The following STK38L variants were observed in gnomAD, a reference collection of about 807,000 sequenced individuals.
The protein encoded by STK38L is serine/threonine-protein kinase 38-like.
STK38L carries 28 observed loss-of-function variants against 59.7 expected under a neutral mutation model. The observed-to-expected ratio is 0.47, with a 90% CI of 0.35 to 0.64. The LOEUF is 0.64. STK38L is among the 30% of genes least tolerant of loss of function. STK38L has a pLI of 0.01. For synonymous variants in STK38L, 162 were observed against 176.8 expected (o/e 0.92, Z 0.66); for missense variants, 314 against 555.8 (o/e 0.56, Z 4.37).
chr12:27,269,918 C>T (rs1416102177), intron 1 of STK38L, among the ~76,000 whole-genome samples: 1 of 152,218 alleles, frequency 6.6e-6, no homozygotes, highest in Non-Finnish European at 1.5e-5. Flanking sequence ...GTTGAGATTA[C>T]AGGCATGAGC....
intron 9 of STK38L, among the ~76,000 whole-genome samples, 163 bp downstream of exon 9, chr12:27,315,513 C>T (rs758676817): frequency 2.6e-5 from 4 of 152,166 alleles, no homozygotes; most frequent in Non-Finnish European, 5.9e-5. Flanking sequence ...TGTTAAGTTT[C>T]CTTGCCTGTA....
intron 1 of STK38L, among the ~76,000 whole-genome samples, chr12:27,259,564 A>C (rs1032035668): frequency 6.6e-6 from 1 of 152,170 alleles, no homozygotes; most frequent in East Asian, 1.9e-4. Flanking sequence ...AAATATGTAA[A>C]AGGTCTTTGT....
chr12:27,256,465 C>T (rs1257701746), intron 1 of STK38L, among the ~76,000 whole-genome samples: 1 of 152,190 alleles, frequency 6.6e-6, no homozygotes, highest in Non-Finnish European at 1.5e-5. Context: ...CCTGTGCTTT[C>T]TTTGGTATTC....
chr12:27,297,947 A>G (rs1944066841), intron 2 of STK38L, 93 bp downstream of exon 2: 1 of 1,453,420 alleles, frequency 6.9e-7, no homozygotes, highest in African/African-American at 1.4e-5. Flanking sequence ...TGATATGAAT[A>G]TTATGGATCC....
intron 1 of STK38L, among the ~76,000 whole-genome samples, chr12:27,296,427 C>G (rs140274742): frequency 6.6e-6 from 1 of 152,296 alleles, no homozygotes; most frequent in East Asian, 1.9e-4. Context: ...CCTAATAGGA[C>G]AACAGTAGAA....
At chr12:27,320,171 C>T (rs546677651) in intron 12 of STK38L, among the ~76,000 whole-genome samples, 2 of 152,228 alleles carry the variant, frequency 1.3e-5, no homozygotes, top group Non-Finnish European at 2.9e-5. Flanking sequence ...CCCTGCCTAG[C>T]TGGCTCCTTT....
chr12:27,273,058 T>C (rs1011965201), intron 1 of STK38L, among the ~76,000 whole-genome samples: 1 of 152,182 alleles, frequency 6.6e-6, no homozygotes, highest in Non-Finnish European at 1.5e-5. Flanking sequence ...TTTTTTCTTT[T>C]TTTTTTTTAA....
chr12:27,250,085 A>G (rs1942939990), intron 1 of STK38L, among the ~76,000 whole-genome samples: 1 of 152,220 alleles, frequency 6.6e-6, no homozygotes, highest in Non-Finnish European at 1.5e-5. Flanking sequence ...GGGTTGCTGT[A>G]CCTTTGCTAT....
intron 1 of STK38L, among the ~76,000 whole-genome samples, chr12:27,269,154 T>C (rs983232328): frequency 6.6e-6 from 1 of 152,230 alleles, no homozygotes; most frequent in African/African-American, 2.4e-5. Context: ...TTGGCTTTTG[T>C]TGCCATTGCT....
chr12:27,275,945 C>T (rs900409392), intron 1 of STK38L, among the ~76,000 whole-genome samples: 1 of 152,082 alleles, frequency 6.6e-6, no homozygotes, highest in Non-Finnish European at 1.5e-5. Flanking sequence ...GACAAGAGCA[C>T]CAAGCTGACT....
intron 2 of STK38L, among the ~76,000 whole-genome samples, chr12:27,300,101 A>C (rs1343542580): frequency 2.6e-5 from 4 of 152,140 alleles, no homozygotes; most frequent in African/African-American, 9.7e-5. Context: ...TTCTTTTTCC[A>C]AATAAAGGAA....
At chr12:27,275,764 G>A (rs938036997) in intron 1 of STK38L, among the ~76,000 whole-genome samples, 1 of 152,084 alleles carries the variant, frequency 6.6e-6, no homozygotes, top group Non-Finnish European at 1.5e-5. Context: ...AATAAATGAG[G>A]GATGAAAGAT....
rs368983606 is a variant in STK38L at position 27,260,960 on chromosome 12, T to C, written c.-12+16628T>C. ...TAAAACAGATGACTCATCTTTCTTT[T>C]TTGAGTCTCAGGCAGGACTTACTTT... On this transcript the variant is annotated intron_variant, in intron 1 of 13. Transcript: ENST00000389032. Among the ~76,000 whole-genome samples the C allele has an allele frequency of 2.0e-5, 3 of 152,340 alleles. No homozygotes were observed. The East Asian group carries it at 5.8e-4, about 29-fold the overall frequency.
At chr12:27,298,030 C>A in intron 2 of STK38L, 176 bp downstream of exon 2, 1 of 704,010 alleles carries the variant, frequency 1.4e-6, no homozygotes, top group Non-Finnish European at 2.2e-6. Flanking sequence ...AGAGTAGTTT[C>A]CTGAGGTGCC....
intron 1 of STK38L, among the ~76,000 whole-genome samples, chr12:27,280,917 G>T (rs1317600930): frequency 6.6e-6 from 1 of 152,138 alleles, no homozygotes; most frequent in Admixed American, 6.5e-5. Flanking sequence ...AAGGTTAGAC[G>T]AGTTGATCCT....
At chr12:27,319,263 G>A in intron 11 of STK38L, 65 bp from the exon 12 acceptor site, 2 of 949,422 alleles carry the variant, frequency 2.1e-6, no homozygotes, top group Non-Finnish European at 3.3e-6. Context: ...AATATTTGAA[G>A]TAATGCAGCT....
At chr12:27,296,095 C>T (rs763699951) in intron 1 of STK38L, among the ~76,000 whole-genome samples, 3 of 152,118 alleles carry the variant, frequency 2.0e-5, no homozygotes, top group East Asian at 3.8e-4. Flanking sequence ...GCAGGGCTGT[C>T]GTGAGGATGA....
chr12:27,301,039 G>A (rs1031004096), intron 2 of STK38L, among the ~76,000 whole-genome samples: 1 of 152,092 alleles, frequency 6.6e-6, no homozygotes, highest in Non-Finnish European at 1.5e-5. Flanking sequence ...TATATTTAGG[G>A]AAAACCAATA....
At chr12:27,270,440 T>C (rs1591868035) in intron 1 of STK38L, among the ~76,000 whole-genome samples, 2 of 152,100 alleles carry the variant, frequency 1.3e-5, no homozygotes, top group South Asian at 4.1e-4. Flanking sequence ...TGCAGTGGCG[T>C]GATCTCAGCT....
Sources: allele counts gnomAD v4.1 joint callset (sites outside exome capture counted in the v4.1 genomes callset), GRCh38; gene constraint gnomAD v4.1.1; transcripts MANE v1.5; gene names NCBI Gene and HGNC (gene_info 2026-07-23, HGNC 2026-07-21).